The following GLRB variants were observed in gnomAD, a reference collection of about 807,000 sequenced individuals.
GLRB encodes the protein glycine receptor beta, also known as glycine receptor subunit beta.
A neutral mutation model predicts 54.2 loss-of-function variants in GLRB; 33 were observed. That is an observed-to-expected ratio of 0.61 (90% CI 0.46 to 0.81). The LOEUF (loss-of-function observed/expected upper bound fraction) is 0.81. Among genes scored for constraint, GLRB ranks in the 40% least tolerant of loss-of-function variants. The pLI, the probability that GLRB is intolerant of heterozygous loss-of-function variation, is 0.00. For synonymous variants in GLRB, 209 were observed against 208.2 expected (o/e 1.00, Z -0.03); for missense variants, 572 against 584.6 (o/e 0.98, Z 0.22).
chr4:157,124,964 A>G (rs552672111), intron 4 of GLRB, among the ~76,000 whole-genome samples: 4 of 151,980 alleles, frequency 2.6e-5, no homozygotes, highest in South Asian at 2.1e-4. Flanking sequence ...TATTTCATAT[A>G]TTTGCTCAGT....
At position 157,120,591 on chromosome 4, in the gene GLRB, C is replaced by T; in HGVS notation, c.158C>T (p.Ala53Val). 1 of 1,600,878 alleles carries T rather than the reference C, an allele frequency of 6.2e-7. No homozygotes were observed. Among genetic ancestry groups the T allele is most frequent in the Non-Finnish European group, 8.5e-7 (1 of 1,170,130 alleles). ...GCAGAGGACCTTGCCCGAGTACCTG[C>T]CAACTCCACTAGCAATATCTTGAAC... ...QSAEDLARVPANSTSNILNRL... is the reference protein window; with the variant it reads ...QSAEDLARVPVNSTSNILNRL... The change falls in exon 3 of 10, where the codon GCC becomes GTC. Residue 53 changes from alanine (A) to valine (V), a missense_variant. Coordinates refer to ENST00000264428, the MANE Select transcript of GLRB (RefSeq NM_000824.5).
intron 2 of GLRB, among the ~76,000 whole-genome samples, chr4:157,080,044 A>T (rs1240891673): frequency 2.6e-5 from 4 of 152,188 alleles, no homozygotes; most frequent in African/African-American, 9.7e-5. Context: ...AAATCTTATA[A>T]CTACCATATA....
intron 4 of GLRB, among the ~76,000 whole-genome samples, chr4:157,124,921 G>A (rs1383068718): frequency 6.6e-6 from 1 of 151,700 alleles, no homozygotes; most frequent in Admixed American, 6.6e-5. Context: ...CCTTTATAAA[G>A]TAGAATTGTA....
At chr4:157,092,572 T>C (rs1460872610) in intron 2 of GLRB, among the ~76,000 whole-genome samples, 1 of 152,152 alleles carries the variant, frequency 6.6e-6, no homozygotes, top group Non-Finnish European at 1.5e-5. Flanking sequence ...AATATCTGGG[T>C]CACCTTATTA....
intron 9 of GLRB, among the ~76,000 whole-genome samples, chr4:157,168,739 A>G (rs985668227): frequency 6.6e-6 from 1 of 152,118 alleles, no homozygotes; most frequent in Admixed American, 6.6e-5. Flanking sequence ...TCTTTTTAAA[A>G]GTTTCTTACC....
intron 4 of GLRB, among the ~76,000 whole-genome samples, chr4:157,124,363 G>T (rs1735938194): frequency 6.6e-6 from 1 of 151,648 alleles, no homozygotes; most frequent in African/African-American, 2.4e-5. Context: ...TTATTTGTCT[G>T]TTACTTTAAT....
intron 9 of GLRB, among the ~76,000 whole-genome samples, chr4:157,154,308 T>G (rs1271235047): frequency 6.6e-6 from 1 of 152,186 alleles, no homozygotes; most frequent in Non-Finnish European, 1.5e-5. Flanking sequence ...ATGTTTGAAT[T>G]GGTATATTTA....
Position 157,152,943 on chromosome 4 carries a change from G to T in GLRB, c.1130G>T (p.Gly377Val). Reference protein sequence around the residue: ...IAKAEQADGKGGNVAKKNTVN... With the variant: ...IAKAEQADGKVGNVAKKNTVN... ...AAGGCTGAGCAAGCAGATGGAAAAG[G>T]TGGAAATGTGGCTAAAAAGAATACT... The change falls in exon 9 of 10, where the codon GGT becomes GTT. Residue 377 changes from glycine (G) to valine (V), a missense_variant. Coordinates refer to ENST00000264428, the MANE Select transcript of GLRB (RefSeq NM_000824.5). 1 of 1,614,044 alleles carries T rather than the reference G, an allele frequency of 6.2e-7. No individual in the cohort carries two copies. The highest frequency in any genetic ancestry group is 8.5e-7 in the Non-Finnish European group (1 of 1,179,950).
chr4:157,106,426 T>C (rs1485965218), intron 2 of GLRB, among the ~76,000 whole-genome samples: 1 of 152,142 alleles, frequency 6.6e-6, no homozygotes, highest in Non-Finnish European at 1.5e-5. Flanking sequence ...CGTAAAGCAT[T>C]ACCTTTGTGT....
intron 8 of GLRB, among the ~76,000 whole-genome samples, chr4:157,152,031 C>A (rs1323181680): frequency 2.0e-5 from 3 of 152,032 alleles, no homozygotes; most frequent in African/African-American, 7.2e-5. Flanking sequence ...GGGAGAGTGG[C>A]AATTGGGAAG....
intron 9 of GLRB, among the ~76,000 whole-genome samples, chr4:157,161,763 AT>A (rs1288247339): frequency 6.6e-6 from 1 of 151,864 alleles, no homozygotes; most frequent in Middle Eastern, 3.2e-3. Context: ...TGCCCTTAAC[AT>A]TTTTTCCTTC....
intron 7 of GLRB, among the ~76,000 whole-genome samples, chr4:157,139,784 A>G (rs147516376): frequency 9.9e-5 from 15 of 152,132 alleles, no homozygotes; most frequent in African/African-American, 3.6e-4. Flanking sequence ...AAAAATATTC[A>G]GAAATAGATA....
chr4:157,125,167 G>A (rs781387052), intron 4 of GLRB, among the ~76,000 whole-genome samples: 1 of 151,430 alleles, frequency 6.6e-6, no homozygotes, highest in Non-Finnish European at 1.5e-5. Flanking sequence ...AACCCAAAAG[G>A]GTATACATGT....
chr4:157,089,267 G>A (rs1252753073), intron 2 of GLRB, among the ~76,000 whole-genome samples: 1 of 151,768 alleles, frequency 6.6e-6, no homozygotes, highest in Non-Finnish European at 1.5e-5. Context: ...GGGGAGGGGG[G>A]ACACACCTGT....
intron 2 of GLRB, chr4:157,084,519 T>G: frequency 4.5e-6 from 2 of 442,942 alleles, no homozygotes; most frequent in Non-Finnish European, 9.0e-6. Flanking sequence ...TTAAAATAAT[T>G]ACATAAATAA....
At chr4:157,140,930 A>G (rs1210789720) in intron 7 of GLRB, among the ~76,000 whole-genome samples, 9 of 151,898 alleles carry the variant, frequency 5.9e-5, no homozygotes, top group Admixed American at 3.9e-4. Context: ...TGAAAGTCCT[A>G]GGAGTGTTCA....
rs41280501 is a variant in GLRB at position 157,122,407 on chromosome 4, C to A, written c.297+10C>A. 2.9e-6 allele frequency: 3 copies of A among 1,026,254 alleles called. No individual in the cohort carries two copies. The highest frequency in any genetic ancestry group is 4.5e-6 in the Non-Finnish European group (3 of 665,194). The allele number at this position is 1,026,254 out of a possible 1,614,324, so 63.6% of individuals were successfully genotyped here. A position where few individuals can be genotyped will look rare whatever the true frequency, so the allele number is the denominator to read the frequency against. ...TCAAGAAACAACAATGGTAAGATTG[C>A]AATTAATTTAATATTTTGTCAAATA... On this transcript the variant is annotated intron_variant, in intron 4 of 9. Coordinates refer to ENST00000264428, the MANE Select transcript of GLRB (RefSeq NM_000824.5).
At chr4:157,086,520 T>C (rs1236512437) in intron 2 of GLRB, among the ~76,000 whole-genome samples, 1 of 152,244 alleles carries the variant, frequency 6.6e-6, no homozygotes, top group Non-Finnish European at 1.5e-5. Context: ...TCTTGATCGG[T>C]ATTTACACGA....
At chr4:157,147,935 G>A (rs1029905793) in intron 8 of GLRB, among the ~76,000 whole-genome samples, 1 of 152,156 alleles carries the variant, frequency 6.6e-6, no homozygotes, top group Non-Finnish European at 1.5e-5. Flanking sequence ...AACTGAACGA[G>A]TATGGATGTG....
Sources: allele counts gnomAD v4.1 joint callset (sites outside exome capture counted in the v4.1 genomes callset), GRCh38; gene constraint gnomAD v4.1.1; transcripts MANE v1.5; gene names NCBI Gene and HGNC (gene_info 2026-07-23, HGNC 2026-07-21).